Variants in MS4A1 observed in about 807,000 individuals in gnomAD.
MS4A1 encodes the protein B-lymphocyte antigen CD20.
In MS4A1, 16 loss-of-function variants were observed where a neutral mutation model predicts 26.5. The observed-to-expected ratio is 0.60, with a 90% CI of 0.41 to 0.92. MS4A1 has a LOEUF of 0.92. Ranked by LOEUF, MS4A1 falls within the 40% of genes least tolerant of loss-of-function variation. The pLI, the probability that MS4A1 is intolerant of heterozygous loss-of-function variation, is 0.00. For synonymous variants in MS4A1, 128 were observed against 117.6 expected, an observed-to-expected ratio of 1.09 and a Z score of -0.57; for missense variants, 350 against 353.0, an observed-to-expected ratio of 0.99 and a Z score of 0.07.
rs955352627 is a variant in MS4A1, at chr11:60,470,742, A to G, written c.*2274A>G. The stretch of plus-strand genomic sequence containing the variant: ...TCCACAAAGGAAATAAACTTTAAAA[A>G]CCCAAGTGCACTCATTGACTAGGAG... On this transcript the variant is annotated 3_prime_UTR_variant, in exon 8 of 8. Coordinates refer to ENST00000345732, the MANE Select transcript of MS4A1 (RefSeq NM_152866.3). 5.9e-5 allele frequency: 9 copies of G among 151,826 alleles called. No homozygotes were observed. The highest frequency in any genetic ancestry group is 5.9e-4 in the Admixed American group (9 of 15,246). 9.4% of individuals were successfully genotyped at this position (151,826 alleles called of 1,614,324 possible).
At chr11:60,459,779 C>T (rs2086233410) in intron 1 of MS4A1, among the ~76,000 whole-genome samples, 1 of 152,152 alleles carries the variant, frequency 6.6e-6, no homozygotes, top group African/African-American at 2.4e-5. Context: ...TTTCCTCTAG[C>T]CCATGCGCCA....
At chr11:60,461,547 T>C (rs951787338) in intron 2 of MS4A1, among the ~76,000 whole-genome samples, 10 of 151,484 alleles carry the variant, frequency 6.6e-5, no homozygotes, top group Non-Finnish European at 1.3e-4. Context: ...TGAGACCGAG[T>C]CTCACTCTGT....
intron 1 of MS4A1, among the ~76,000 whole-genome samples, chr11:60,456,190 A>G (rs2135189628): frequency 6.6e-6 from 1 of 152,014 alleles, no homozygotes; most frequent in South Asian, 2.1e-4. Flanking sequence ...CAAAAGTAGT[A>G]GATTGCAGCA....
At chr11:60,464,430 G>C (rs2086274254) in intron 5 of MS4A1, 86 bp downstream of exon 5, 8 of 1,159,866 alleles carry the variant, frequency 6.9e-6, no homozygotes, top group Non-Finnish European at 1.0e-5. Flanking sequence ...AAAAAGCCAA[G>C]GTATCACAGC....
chr11:60,461,024 C>A (rs2086243219), intron 1 of MS4A1, 48 bp from the exon 2 acceptor site: 1 of 151,746 alleles, frequency 6.6e-6, no homozygotes, highest in African/African-American at 2.4e-5. Context: ...ACATTTATTT[C>A]TTCAATAATA....
chr11:60,460,293 C>T (rs2086237990), intron 1 of MS4A1, among the ~76,000 whole-genome samples: 2 of 152,144 alleles, frequency 1.3e-5, no homozygotes, highest in African/African-American at 4.8e-5. Context: ...TGTAACTTGG[C>T]ACAAGTAACC....
At position 60,468,509 on chromosome 11, in the gene MS4A1, T is replaced by C. The variant is rs199924787; in HGVS notation, c.*41T>C. The C allele has an allele frequency of 2.5e-6, 4 of 1,570,970 alleles. No individual in the cohort carries two copies. Among genetic ancestry groups the C allele is most frequent in the Non-Finnish European group, 3.5e-6 (4 of 1,143,252 alleles). ...TTCTGTTTCCTTTTTTAAACATTAG[T>C]GTTCATAGCTTCCAAGAGACATGCT... On this transcript the variant is annotated 3_prime_UTR_variant, in exon 8 of 8. Transcript: ENST00000345732.
At chr11:60,462,906 C>A in intron 3 of MS4A1, 96 bp from the exon 4 acceptor site, 3 of 1,570,880 alleles carry the variant, frequency 1.9e-6, no homozygotes, top group South Asian at 2.2e-5. Flanking sequence ...GCATTCCTCA[C>A]AGCTCCAAGT....
chr11:60,468,598 G>T lies in MS4A1; in HGVS notation c.*130G>T. ...CATCTCTATCTGGCCTTTGCATGGA[G>T]TGACCATAGCTCCTTCTCTCTTACA... On this transcript the variant is annotated 3_prime_UTR_variant, in exon 8 of 8. Transcript: ENST00000345732. 1.2e-6 allele frequency: 1 copy of T among 815,370 alleles called. No individual in the cohort carries two copies. The allele number at this position is 815,370 out of a possible 1,614,324, so 50.5% of individuals were successfully genotyped here. A position where few individuals can be genotyped will look rare whatever the true frequency, so the allele number is the denominator to read the frequency against.
Position 60,462,184 on chromosome 11 carries a change from G to C in MS4A1, c.-190-1G>C, listed in dbSNP as rs200788503. 1.4e-6 allele frequency: 1 copy of C among 699,096 alleles called. No homozygotes were observed. Among genetic ancestry groups the C allele is most frequent in the Non-Finnish European group, 2.6e-6 (1 of 389,244 alleles). 43.3% of individuals were successfully genotyped at this position (699,096 alleles called of 1,614,324 possible). On this transcript the variant is annotated splice_acceptor_variant, in intron 2 of 7. Transcript: ENST00000345732. LOFTEE classifies it low-confidence loss of function (5UTR_SPLICE). The stretch of plus-strand genomic sequence containing the variant: ...AACAACCCCTCCATCTCCTTTCTCA[G>C]AACTCAGCAGTAGGCCTTGCCTCAG...
In MS4A1 at chr11:60,470,614, T is replaced by G. The variant is rs202119351; in HGVS notation, c.*2146T>G. 1 of 151,984 alleles carries G rather than the reference T, an allele frequency of 6.6e-6. No individual in the cohort carries two copies. Among genetic ancestry groups the G allele is most frequent in the Non-Finnish European group, 1.5e-5 (1 of 67,872 alleles). 9.4% of individuals were successfully genotyped at this position (151,984 alleles called of 1,614,324 possible). A position where few individuals can be genotyped will look rare whatever the true frequency, so the allele number is the denominator to read the frequency against. ...CCTTTGGCAATATAGAGTCAAATAA[T>G]AACATTGACCAATAGTAAACATGCT... On this transcript the variant is annotated 3_prime_UTR_variant, in exon 8 of 8. Transcript: ENST00000345732.
intron 1 of MS4A1, among the ~76,000 whole-genome samples, chr11:60,460,165 G>C (rs1433395401): frequency 6.6e-6 from 1 of 152,138 alleles, no homozygotes; most frequent in Non-Finnish European, 1.5e-5. Context: ...AGGATCACCT[G>C]AGCCCAGGAG....
Position 60,466,114 on chromosome 11 carries a change from C to T in MS4A1, c.530C>T (p.Ser177Phe). ...CCAGCTAATCCCTCTGAGAAAAACT[C>T]CCCATCTACCCAATACTGTTACAGC... ...CEPANPSEKN[S>F]PSTQYCYSIQ... is the part of the protein sequence containing the mutation. Residue 177 changes from serine to phenylalanine, a missense_variant, in exon 6 of 8, where the codon TCC becomes TTC. By Grantham distance (155) the Ser-to-Phe change is radical. Coordinates refer to ENST00000345732, the MANE Select transcript of MS4A1 (RefSeq NM_152866.3). 1.2e-6 allele frequency: 2 copies of T among 1,613,350 alleles called. No individual in the cohort carries two copies. Among genetic ancestry groups the T allele is most frequent in the Non-Finnish European group, 1.7e-6 (2 of 1,179,332 alleles).
intron 1 of MS4A1, among the ~76,000 whole-genome samples, chr11:60,459,616 A>C (rs986823775): frequency 1.3e-5 from 2 of 152,182 alleles, no homozygotes; most frequent in Non-Finnish European, 2.9e-5. Flanking sequence ...ATCAGTCCGC[A>C]AACTCTTTAG....
chr11:60,459,335 T>C (rs1397012962), intron 1 of MS4A1, among the ~76,000 whole-genome samples: 1 of 152,202 alleles, frequency 6.6e-6, no homozygotes, highest in African/African-American at 2.4e-5. Context: ...TACGAAGGTG[T>C]TGAGTGAGTT....
chr11:60,457,033 G>T (rs1441302700), intron 1 of MS4A1, among the ~76,000 whole-genome samples: 2 of 152,182 alleles, frequency 1.3e-5, no homozygotes, highest in Non-Finnish European at 2.9e-5. Flanking sequence ...CCCTATGCAA[G>T]TCTAGTAGGA....
Position 60,469,207 on chromosome 11 carries a change from G to A in MS4A1, c.*739G>A, listed in dbSNP as rs201132358. 2.0e-5 allele frequency: 3 copies of A among 152,092 alleles called. No individual in the cohort carries two copies. Among genetic ancestry groups the A allele is most frequent in the Non-Finnish European group, 4.4e-5 (3 of 67,994 alleles). 9.4% of individuals were successfully genotyped at this position (152,092 alleles called of 1,614,324 possible). ...TGACCATAGAAAATGCCACCATGAGGTGCCCAAATTTCAAATAATAATTAA... is the reference window on the plus strand; with the variant it reads ...TGACCATAGAAAATGCCACCATGAGATGCCCAAATTTCAAATAATAATTAA... On this transcript the variant is annotated 3_prime_UTR_variant, in exon 8 of 8. Transcript: ENST00000345732.
At position 60,469,049 on chromosome 11, in the gene MS4A1, C is replaced by A. The variant is rs145209182; in HGVS notation, c.*581C>A. The A allele has an allele frequency of 6.5e-6, 1 of 153,110 alleles. No individual in the cohort carries two copies. Among genetic ancestry groups the A allele is most frequent in the Non-Finnish European group, 1.5e-5 (1 of 68,730 alleles). 9.5% of individuals were successfully genotyped at this position (153,110 alleles called of 1,614,324 possible). A position where few individuals can be genotyped will look rare whatever the true frequency, so the allele number is the denominator to read the frequency against. On this transcript the variant is annotated 3_prime_UTR_variant, in exon 8 of 8. Coordinates refer to ENST00000345732, the MANE Select transcript of MS4A1 (RefSeq NM_152866.3). ...TGAGGGAAGCTCTAAATAGCCAACA[C>A]CCATCTGTTTTTTGTAAAAACAGCA...
chr11:60,465,997 T>C lies in MS4A1; in HGVS notation c.413T>C (p.Ile138Thr). The change falls in exon 6 of 8, where the codon ATA becomes ACA. Residue 138 changes from isoleucine (I) to threonine (T), a missense_variant. Coordinates refer to ENST00000345732, the MANE Select transcript of MS4A1 (RefSeq NM_152866.3). ...ISGMILSIMD[I>T]LNIKISHFLK... The stretch of plus-strand genomic sequence containing the variant: ...GGAATGATTCTTTCAATCATGGACA[T>C]ACTTAATATTAAAATTTCCCATTTT... 1 of 1,613,864 alleles carries C rather than the reference T, an allele frequency of 6.2e-7. No individual in the cohort carries two copies. Among genetic ancestry groups the C allele is most frequent in the East Asian group, 2.2e-5 (1 of 44,860 alleles).
Sources: gnomAD v4.1 joint callset for allele counts (sites outside exome capture counted in the v4.1 genomes callset) on GRCh38, gnomAD v4.1.1 for gene constraint, MANE v1.5 for transcripts, NCBI Gene and HGNC (gene_info 2026-07-23, HGNC 2026-07-21) for gene names.